The following CDH13 variants were observed in gnomAD, a reference collection of about 807,000 sequenced individuals.
CDH13 encodes the protein cadherin 13.
Under a neutral mutation model 63.8 loss-of-function variants are expected in CDH13, and 24 were observed. The ratio of observed to expected loss-of-function variants is 0.38; its 90% CI spans 0.27 to 0.53. The LOEUF is 0.53. Among genes scored for constraint, CDH13 ranks in the 20% least tolerant of loss-of-function variants. The pLI is 0.85. For synonymous variants in CDH13, 503 were observed against 355.3 expected (o/e 1.42, Z -4.67); for missense variants, 1,049 against 903.1 (o/e 1.16, Z -2.07).
chr16:82,838,314 G>A (rs1190960794), intron 1 of CDH13, among the ~76,000 whole-genome samples: 1 of 152,194 alleles, frequency 6.6e-6, no homozygotes, highest in Non-Finnish European at 1.5e-5. Context: ...AGAAGAACAT[G>A]CCCGTCCTAT....
At chr16:83,078,342 C>A (rs928875044) in intron 3 of CDH13, among the ~76,000 whole-genome samples, 7 of 152,088 alleles carry the variant, frequency 4.6e-5, no homozygotes, top group East Asian at 1.9e-4. Flanking sequence ...ATATTGGGGA[C>A]GGGGATGATG....
chr16:83,398,397 T>G (rs1389236588), intron 6 of CDH13, among the ~76,000 whole-genome samples: 2 of 152,152 alleles, frequency 1.3e-5, no homozygotes, highest in South Asian at 2.1e-4. Flanking sequence ...TTACGTGGCC[T>G]CCTCCTCTTC....
chr16:83,439,517 G>A (rs1192380393), intron 6 of CDH13, among the ~76,000 whole-genome samples: 1 of 152,228 alleles, frequency 6.6e-6, no homozygotes, highest in Non-Finnish European at 1.5e-5. Flanking sequence ...TCGGAAGCAT[G>A]GGTAGTTCTA....
intron 6 of CDH13, among the ~76,000 whole-genome samples, chr16:83,455,278 C>A (rs1322901030): frequency 3.3e-5 from 5 of 152,184 alleles, no homozygotes; most frequent in Admixed American, 1.3e-4. Flanking sequence ...AAGAGATTCA[C>A]TAACCCCCTC....
chr16:83,002,353 C>T (rs1331183386), intron 2 of CDH13, among the ~76,000 whole-genome samples: 1 of 152,126 alleles, frequency 6.6e-6, no homozygotes, highest in Non-Finnish European at 1.5e-5. Context: ...AGCCAAGAAA[C>T]ACCTGGAGCC....
At chr16:82,940,412 T>C (rs1241281097) in intron 2 of CDH13, among the ~76,000 whole-genome samples, 1 of 152,208 alleles carries the variant, frequency 6.6e-6, no homozygotes, top group Non-Finnish European at 1.5e-5. Flanking sequence ...GTGGTGAGGT[T>C]GAGTCCAAAC....
At chr16:82,798,048 C>G (rs2036675351) in intron 1 of CDH13, among the ~76,000 whole-genome samples, 1 of 152,154 alleles carries the variant, frequency 6.6e-6, no homozygotes, top group African/African-American at 2.4e-5. Context: ...CCAGGTTGCT[C>G]TGGGGTGAGA....
Position 82,798,516 on chromosome 16 carries a change from G to A in CDH13, c.46-59846G>A, listed in dbSNP as rs557202330. Among the ~76,000 whole-genome samples, 12 of 152,262 alleles carry A rather than the reference G, an allele frequency of 7.9e-5. No homozygotes were observed. In the South Asian group the frequency reaches 2.5e-3, roughly 32 times the overall value. On this transcript the variant is annotated intron_variant, in intron 1 of 13. Transcript: ENST00000567109. The stretch of plus-strand genomic sequence containing the variant: ...ATTTCTAAGAGAATTGGTGTGTGAG[G>A]CTGAAGGGATGATAGTAGGGTGAGC...
At chr16:82,742,547 C>T (rs935980857) in intron 1 of CDH13, among the ~76,000 whole-genome samples, 1 of 151,998 alleles carries the variant, frequency 6.6e-6, no homozygotes, top group Non-Finnish European at 1.5e-5. Flanking sequence ...TTCCATTTCT[C>T]TTTTGTAATT....
intron 4 of CDH13, among the ~76,000 whole-genome samples, chr16:83,167,251 C>A (rs976150503): frequency 4.0e-5 from 6 of 150,100 alleles, no homozygotes; most frequent in African/African-American, 1.5e-4. Flanking sequence ...AATCCCAGAA[C>A]TTTGGGAGGC....
intron 2 of CDH13, among the ~76,000 whole-genome samples, chr16:83,023,329 G>T (rs981066413): frequency 1.3e-5 from 2 of 151,260 alleles, no homozygotes; most frequent in African/African-American, 4.9e-5. Context: ...CCCTCCCAGG[G>T]TGTTCTAAGA....
chr16:82,951,325 G>A (rs1394008291), intron 2 of CDH13, among the ~76,000 whole-genome samples: 1 of 152,174 alleles, frequency 6.6e-6, no homozygotes, highest in Non-Finnish European at 1.5e-5. Context: ...CATTGATTCA[G>A]AAAGAAATGT....
At chr16:83,413,430 G>A (rs1029596013) in intron 6 of CDH13, among the ~76,000 whole-genome samples, 2 of 152,068 alleles carry the variant, frequency 1.3e-5, no homozygotes, top group African/African-American at 2.4e-5. Context: ...AAAACCGAGC[G>A]ACTTTCATTC....
At chr16:83,077,819 A>G (rs1359057349) in intron 3 of CDH13, among the ~76,000 whole-genome samples, 1 of 152,188 alleles carries the variant, frequency 6.6e-6, no homozygotes, top group Non-Finnish European at 1.5e-5. Flanking sequence ...CCTCTTCCGG[A>G]TAACGCGTGA....
At chr16:82,824,130 T>G (rs1234221123) in intron 1 of CDH13, 1 of 152,198 alleles carries the variant, frequency 6.6e-6, no homozygotes, top group African/African-American at 2.4e-5. Context: ...AAGAAGCCAG[T>G]ATGAGTAGCT....
At chr16:83,176,974 G>A (rs1447139881) in intron 4 of CDH13, among the ~76,000 whole-genome samples, 4 of 152,048 alleles carry the variant, frequency 2.6e-5, no homozygotes, top group African/African-American at 4.8e-5. Context: ...TTTTTACCCC[G>A]GATGCCATGA....
chr16:83,502,576 T>A (rs1341420851), intron 7 of CDH13, among the ~76,000 whole-genome samples: 27 of 152,172 alleles, frequency 1.8e-4, no homozygotes. Context: ...TAACCTTTTT[T>A]ATATGGTTTG....
intron 2 of CDH13, among the ~76,000 whole-genome samples, chr16:82,994,114 G>A (rs1597374527): frequency 6.6e-6 from 1 of 152,152 alleles, no homozygotes; most frequent in African/African-American, 2.4e-5. Flanking sequence ...TGTTTGTGGG[G>A]AGGGAAGGGA....
intron 3 of CDH13, among the ~76,000 whole-genome samples, chr16:83,056,254 C>T (rs1156484970): frequency 6.6e-6 from 1 of 152,116 alleles, no homozygotes; most frequent in African/African-American, 2.4e-5. Context: ...AATTCTCACA[C>T]ACTGTAAAGC....
Sources: allele counts gnomAD v4.1 joint callset (sites outside exome capture counted in the v4.1 genomes callset), GRCh38; gene constraint gnomAD v4.1.1; transcripts MANE v1.5; gene names NCBI Gene and HGNC (gene_info 2026-07-23, HGNC 2026-07-21).